The following KIAA1217 variants were observed in gnomAD, a reference collection of about 807,000 sequenced individuals.
KIAA1217 encodes KIAA1217.
KIAA1217 carries 88 observed loss-of-function variants against 163.9 expected under a neutral mutation model. That is an observed-to-expected ratio of 0.54 (90% CI 0.45 to 0.64). The LOEUF (loss-of-function observed/expected upper bound fraction) is 0.64. KIAA1217 is among the 30% of genes least tolerant of loss of function. The pLI is 0.00. For missense variants in KIAA1217, 2,372 were observed against 2,475.0 expected (o/e 0.96, Z 0.88); for synonymous variants, 903 against 923.1 (o/e 0.98, Z 0.39).
At chr10:23,900,422 T>A (rs902512731) in intron 1 of KIAA1217, among the ~76,000 whole-genome samples, 1 of 152,082 alleles carries the variant, frequency 6.6e-6, no homozygotes, top group African/African-American at 2.4e-5. Flanking sequence ...GTGAGGGATT[T>A]CCTGGCATTT....
At chr10:23,830,820 G>A (rs1838156471) in intron 1 of KIAA1217, among the ~76,000 whole-genome samples, 1 of 128,768 alleles carries the variant, frequency 7.8e-6, no homozygotes, top group African/African-American at 3.5e-5. Context: ...AGATATATGT[G>A]TACACACACA....
intron 2 of KIAA1217, among the ~76,000 whole-genome samples, chr10:24,161,610 A>C (rs888147264): frequency 1.3e-5 from 2 of 152,252 alleles, no homozygotes; most frequent in African/African-American, 2.4e-5. Context: ...AAAGTTATAA[A>C]GATATAAGTT....
intron 2 of KIAA1217, among the ~76,000 whole-genome samples, chr10:24,090,152 C>G (rs368216489): frequency 1.5e-5 from 2 of 137,314 alleles, no homozygotes; most frequent in Admixed American, 7.3e-5. Flanking sequence ...TTCTTTCTTT[C>G]TTTTTCTTTT....
At chr10:24,298,484 A>G (rs1393356567) in intron 2 of KIAA1217, among the ~76,000 whole-genome samples, 2 of 152,164 alleles carry the variant, frequency 1.3e-5, no homozygotes, top group Non-Finnish European at 2.9e-5. Context: ...AAAGGCTCAG[A>G]CTTAATCAAA....
chr10:24,039,586 G>A (rs550425390), intron 2 of KIAA1217, among the ~76,000 whole-genome samples: 1 of 152,204 alleles, frequency 6.6e-6, no homozygotes, highest in East Asian at 1.9e-4. Context: ...TTTAAGGCAG[G>A]CTTGGCTAAG....
chr10:24,146,105 G>A (rs138745563), intron 2 of KIAA1217, among the ~76,000 whole-genome samples: 67 of 152,278 alleles, frequency 4.4e-4, no homozygotes, highest in African/African-American at 1.4e-3. Flanking sequence ...GAAACTTTAC[G>A]TGTACCTGAT....
intron 1 of KIAA1217, among the ~76,000 whole-genome samples, chr10:24,218,191 ACT>A (rs915278096): frequency 2.6e-5 from 4 of 151,870 alleles, no homozygotes; most frequent in Middle Eastern, 3.4e-3. Context: ...TAAAAAAGTA[ACT>A]CTTTTTTCTG....
chr10:24,341,328 C>T (rs1429902697), intron 2 of KIAA1217, among the ~76,000 whole-genome samples: 2 of 151,836 alleles, frequency 1.3e-5, no homozygotes, highest in African/African-American at 4.8e-5. Flanking sequence ...GGATGGAAAT[C>T]AGTAGGTCAG....
rs1306527831 is a variant in KIAA1217, at chr10:24,099,586, T to TATATATATATATATATATTA, written c.-171+92212_-171+92213insATATATATATATATATATTA. ...CATTTTCTTTATATATATATATATA[T>TATATATATATATATATATTA]TATATATATATATTTTATTATACTT... On this transcript the variant is annotated intron_variant, in intron 2 of 18. Transcript: ENST00000376462. Among the ~76,000 whole-genome samples the TATATATATATATATATATTA allele has an allele frequency of 6.3e-5, 9 of 143,436 alleles. No homozygotes were observed. The East Asian group carries it at 1.6e-3, about 26-fold the overall frequency. The allele number at this position is 143,436 out of a possible 152,430, so 94.1% of individuals were successfully genotyped here.
At chr10:24,167,244 C>T (rs2065395964) in intron 2 of KIAA1217, among the ~76,000 whole-genome samples, 1 of 150,900 alleles carries the variant, frequency 6.6e-6, no homozygotes, top group African/African-American at 2.4e-5. Flanking sequence ...AACAAAATAA[C>T]ACTTACTTAG....
At chr10:23,956,035 T>C (rs1844543632) in intron 1 of KIAA1217, among the ~76,000 whole-genome samples, 1 of 152,200 alleles carries the variant, frequency 6.6e-6, no homozygotes, top group Non-Finnish European at 1.5e-5. Flanking sequence ...CAAAGAGCAG[T>C]CATTGTAAGT....
intron 3 of KIAA1217, among the ~76,000 whole-genome samples, chr10:24,414,883 T>A (rs544340813): frequency 1.5e-4 from 23 of 152,186 alleles, no homozygotes; most frequent in Non-Finnish European, 2.5e-4. Flanking sequence ...CCATGTGTGA[T>A]GCCTCTTAAA....
At position 24,163,626 on chromosome 10, in the gene KIAA1217, T is replaced by G. The variant is rs996024130; in HGVS notation, c.-170-56000T>G. ...TACGCCTCACAATAACATACTGTTA[T>G]TTGCATGATGCTTTAAAGTGTAGTA... is the stretch of plus-strand genomic sequence containing the variant. On this transcript the variant is annotated intron_variant, in intron 2 of 18. Transcript: ENST00000376462. Among the ~76,000 whole-genome samples the G allele has an allele frequency of 7.3e-4, 111 of 152,366 alleles. 2 individuals carry two copies. The East Asian group carries it at 0.014, about 20-fold the overall frequency.
chr10:24,543,514 A>C lies in KIAA1217; in HGVS notation c.4244A>C (p.Asn1415Thr). 1.2e-6 allele frequency: 2 copies of C among 1,614,170 alleles called. No homozygotes were observed. The highest frequency in any genetic ancestry group is 2.2e-5 in the East Asian group (1 of 44,884). ...SQKGEDIQTVNIDARKEMTPR... is the reference protein window; with the variant it reads ...SQKGEDIQTVTIDARKEMTPR... ...AAGGGAGAAGACATACAGACGGTTA[A>C]TATCGATGCCAGAAAAGAGATGACC... Residue 1415 changes from asparagine to threonine, a missense_variant, in exon 19 of 21, where the codon AAT (asparagine) becomes ACT (threonine). Asn to Thr is a moderately conservative substitution (Grantham distance 65, BLOSUM62 0). Transcript: ENST00000376454.
intron 1 of KIAA1217, among the ~76,000 whole-genome samples, chr10:23,869,127 T>TTTG (rs1588982921): frequency 7.7e-6 from 1 of 130,236 alleles, no homozygotes; most frequent in Admixed American, 8.0e-5. Flanking sequence ...AAATGTAGTT[T>TTTG]TTTTTTTTTT....
intron 1 of KIAA1217, among the ~76,000 whole-genome samples, chr10:23,831,864 A>G (rs1266085484): frequency 6.6e-6 from 1 of 152,166 alleles, no homozygotes; most frequent in African/African-American, 2.4e-5. Flanking sequence ...CTTCTAAAGA[A>G]GGTTTTGTTC....
intron 4 of KIAA1217, among the ~76,000 whole-genome samples, chr10:24,436,590 C>T (rs2060047815): frequency 6.6e-6 from 1 of 151,456 alleles, no homozygotes; most frequent in African/African-American, 2.4e-5. Context: ...AAACCCGTCT[C>T]TACGGAAAAT....
chr10:23,765,467 C>T (rs1285181361), intron 1 of KIAA1217, among the ~76,000 whole-genome samples: 2 of 152,170 alleles, frequency 1.3e-5, no homozygotes, highest in African/African-American at 4.8e-5. Context: ...GCCACCACGC[C>T]CGGTCTTTTG....
intron 2 of KIAA1217, among the ~76,000 whole-genome samples, chr10:24,248,154 G>A (rs1434730482): frequency 6.6e-6 from 1 of 152,042 alleles, no homozygotes; most frequent in East Asian, 1.9e-4. Context: ...GTCACTTCTT[G>A]GGGCATTAGT....
Sources: gnomAD v4.1 joint callset for allele counts (sites outside exome capture counted in the v4.1 genomes callset) on GRCh38, gnomAD v4.1.1 for gene constraint, MANE v1.5 for transcripts, NCBI Gene and HGNC (gene_info 2026-07-23, HGNC 2026-07-21) for gene names.